CACNA2D1: variants seen among roughly 807,000 people sequenced by gnomAD.
CACNA2D1 encodes the protein calcium voltage-gated channel auxiliary subunit alpha2delta 1.
A neutral mutation model predicts 171.5 loss-of-function variants in CACNA2D1; 53 were observed. The observed-to-expected ratio is 0.31, with a 90% CI of 0.25 to 0.39. The LOEUF (loss-of-function observed/expected upper bound fraction) is 0.39, where lower values mean the gene tolerates loss of function less well. Ranked by LOEUF, CACNA2D1 falls within the 10% of genes least tolerant of loss-of-function variation. The probability of loss-of-function intolerance (pLI) is 1.00; values close to 1 mark genes in which losing one functional copy is unlikely to be tolerated. For missense variants in CACNA2D1, 903 were observed against 1,299.8 expected (o/e 0.69, Z 4.69); for synonymous variants, 442 against 443.1 (o/e 1.00, Z 0.03).
At position 82,000,996 on chromosome 7, in the gene CACNA2D1, G is replaced by C. The variant is rs1441303810; in HGVS notation, c.1591-3746C>G. ...CACAATCTTAAATAATGTTGAACAT[G>C]CTTTGAAATTCTGAAATTCTCTTGC... On this transcript the variant is annotated intron_variant, in intron 18 of 38. Coordinates refer to ENST00000356860, the MANE Select transcript of CACNA2D1 (RefSeq NM_000722.4). Among the ~76,000 whole-genome samples, 3 of 151,636 alleles carry C rather than the reference G, an allele frequency of 2.0e-5. No homozygotes were observed. The East Asian group carries it at 5.8e-4, about 29-fold the overall frequency.
In CACNA2D1 at chr7:82,052,496, A is replaced by C. The variant is rs114540366; in HGVS notation, c.879+7932T>G. Among the ~76,000 whole-genome samples the C allele has an allele frequency of 3.5e-3, 526 of 152,314 alleles. 5 individuals carry two copies. Among genetic ancestry groups the C allele is most frequent in the African/African-American group, 0.012 (503 of 41,574 alleles). On this transcript the variant is annotated intron_variant, in intron 10 of 38. Coordinates refer to ENST00000356860, the MANE Select transcript of CACNA2D1 (RefSeq NM_000722.4). Reference sequence around the variant, plus strand: ...ATGTTAAAGATAAAAATGTAATTTTACTTTTTTCTTACCAGAATGTTGCAT... The same window carrying C: ...ATGTTAAAGATAAAAATGTAATTTTCCTTTTTTCTTACCAGAATGTTGCAT...
intron 3 of CACNA2D1, among the ~76,000 whole-genome samples, chr7:82,203,311 C>A (rs138842835): frequency 6.6e-6 from 1 of 152,086 alleles, no homozygotes; most frequent in Admixed American, 6.5e-5. Flanking sequence ...CTTGATGGAC[C>A]GCTTGACAGT....
chr7:82,443,501 G>C lies in CACNA2D1; in HGVS notation c.-42C>G. On this transcript the variant is annotated 5_prime_UTR_variant, in exon 1 of 39. Transcript: ENST00000356860. Reference sequence around the variant, plus strand: ...CAATGCCCCCTCCCTGCCCAAGCGGGGGAAGGAGCGGCGCTGGAAACCGCG... The same window carrying C: ...CAATGCCCCCTCCCTGCCCAAGCGGCGGAAGGAGCGGCGCTGGAAACCGCG... 1 of 1,594,958 alleles carries C rather than the reference G, an allele frequency of 6.3e-7. No homozygotes were observed. Among genetic ancestry groups the C allele is most frequent in the Non-Finnish European group, 8.5e-7 (1 of 1,170,978 alleles).
chr7:82,058,913 T>C (rs1014556258), intron 10 of CACNA2D1, among the ~76,000 whole-genome samples: 5 of 152,134 alleles, frequency 3.3e-5, no homozygotes, highest in African/African-American at 1.2e-4. Flanking sequence ...CTTATAGGTA[T>C]CGTGTTTTCC....
At chr7:82,417,111 A>C (rs1451638698) in intron 1 of CACNA2D1, among the ~76,000 whole-genome samples, 1 of 152,188 alleles carries the variant, frequency 6.6e-6, no homozygotes, top group African/African-American at 2.4e-5. Flanking sequence ...GTTTCACTAC[A>C]TGTTACATAT....
Position 82,052,088 on chromosome 7 carries a change from T to A in CACNA2D1, c.879+8340A>T, listed in dbSNP as rs540004835. On this transcript the variant is annotated intron_variant, in intron 10 of 38. Coordinates refer to ENST00000356860, the MANE Select transcript of CACNA2D1 (RefSeq NM_000722.4). ...TAAAAATGAGAGGCTACTTGATTTT[T>A]CTGTTTGGTGGCTTCTGGGCAACTT... Among the ~76,000 whole-genome samples the A allele has an allele frequency of 8.1e-4, 124 of 152,192 alleles. 1 individual carries two copies. Among genetic ancestry groups the A allele is most frequent in the Non-Finnish European group, 1.5e-3 (104 of 68,030 alleles).
intron 12 of CACNA2D1, among the ~76,000 whole-genome samples, chr7:82,016,889 G>GTA (rs35976095): frequency 0.19 from 29,393 of 151,876 alleles, 3,252 homozygotes; most frequent in African/African-American, 0.3. Context: ...TGTCATCAAT[G>GTA]TATAATTTGT....
chr7:82,328,579 C>A (rs916318287), intron 3 of CACNA2D1, among the ~76,000 whole-genome samples: 3 of 152,122 alleles, frequency 2.0e-5, no homozygotes, highest in African/African-American at 7.2e-5. Flanking sequence ...TGCATGACCT[C>A]GATCTTCTCT....
At chr7:82,147,480 T>G (rs1793278941) in intron 4 of CACNA2D1, among the ~76,000 whole-genome samples, 1 of 152,160 alleles carries the variant, frequency 6.6e-6, no homozygotes, top group Non-Finnish European at 1.5e-5. Flanking sequence ...TGCTTTAATC[T>G]CCTTTAATCT....
chr7:82,362,793 G>A (rs1193119100), intron 1 of CACNA2D1, among the ~76,000 whole-genome samples: 1 of 152,136 alleles, frequency 6.6e-6, no homozygotes, highest in African/African-American at 2.4e-5. Context: ...AATACTTCCA[G>A]AAACTGCAGA....
chr7:82,129,267 G>A (rs1156951945), intron 5 of CACNA2D1, among the ~76,000 whole-genome samples: 4 of 152,148 alleles, frequency 2.6e-5, no homozygotes, highest in East Asian at 3.9e-4. Context: ...CTGAAACACT[G>A]CAGGCCTTCC....
intron 3 of CACNA2D1, among the ~76,000 whole-genome samples, chr7:82,183,647 C>T (rs933510086): frequency 2.0e-5 from 3 of 151,910 alleles, no homozygotes; most frequent in Non-Finnish European, 2.9e-5. Context: ...AAAAACATTG[C>T]AAAAAGAAGA....
chr7:82,291,546 GAT>G (rs1210070584), intron 3 of CACNA2D1, among the ~76,000 whole-genome samples: 6 of 124,072 alleles, frequency 4.8e-5, no homozygotes, highest in East Asian at 2.3e-4. Flanking sequence ...GTGATATATA[GAT>G]ATATATAAAT....
At position 82,111,307 on chromosome 7, in the gene CACNA2D1, TATATATAC is replaced by T. The variant is rs1411164372; in HGVS notation, c.526+5729_526+5736del. Among the ~76,000 whole-genome samples the T allele has an allele frequency of 4.0e-4, 41 of 103,598 alleles. 1 individual carries two copies. The South Asian group carries it at 0.013, about 32-fold the overall frequency. The allele number at this position is 103,598 out of a possible 152,430, so 68.0% of individuals were successfully genotyped here. On this transcript the variant is annotated intron_variant, in intron 6 of 38. Transcript: ENST00000356860. ...ATATGTCTGGGTATATATATATATA[TATATATAC>T]GTGTATATACGCATACACGTATATA...
At chr7:82,424,764 A>C in intron 1 of CACNA2D1, among the ~76,000 whole-genome samples, 1 of 152,234 alleles carries the variant, frequency 6.6e-6, no homozygotes, top group East Asian at 1.9e-4. Flanking sequence ...ACTGGAGTTT[A>C]CTTTCCTTAT....
At chr7:82,075,276 A>G (rs1056563414) in intron 7 of CACNA2D1, among the ~76,000 whole-genome samples, 36 of 152,280 alleles carry the variant, frequency 2.4e-4, no homozygotes, top group Non-Finnish European at 3.1e-4. Context: ...AAGATGCCAG[A>G]TAACACACTT....
At chr7:82,052,927 A>C (rs147003754) in intron 10 of CACNA2D1, among the ~76,000 whole-genome samples, 80 of 152,302 alleles carry the variant, frequency 5.3e-4, no homozygotes, top group African/African-American at 1.5e-3. Context: ...GACTAAACAA[A>C]TTACTATGAA....
chr7:82,266,581 A>G (rs1001922011), intron 3 of CACNA2D1, among the ~76,000 whole-genome samples: 1 of 150,514 alleles, frequency 6.6e-6, no homozygotes, highest in Non-Finnish European at 1.5e-5. Flanking sequence ...CAATGGTGTG[A>G]TCTCGGCTCA....
rs71093357 is a variant in CACNA2D1 at position 82,055,930 on chromosome 7, G to GTGTATATATATATATATATA, written c.879+4497_879+4498insTATATATATATATATATACA. Among the ~76,000 whole-genome samples, 29 of 111,458 alleles carry GTGTATATATATATATATATA rather than the reference G, an allele frequency of 2.6e-4. No individual in the cohort carries two copies. In the East Asian group the frequency reaches 3.3e-3, roughly 13 times the overall value. 73.1% of individuals were successfully genotyped at this position (111,458 alleles called of 152,430 possible). A position where few individuals can be genotyped will look rare whatever the true frequency, so the allele number is the denominator to read the frequency against. ...AAGTATAATAAATATGTGTGTGTGT[G>GTGTATATATATATATATATA]TATATATATATATATATAATTTTTT... is the stretch of plus-strand genomic sequence containing the variant. On this transcript the variant is annotated intron_variant, in intron 10 of 38. Coordinates refer to ENST00000356860, the MANE Select transcript of CACNA2D1 (RefSeq NM_000722.4).
Sources: allele counts gnomAD v4.1 joint callset (sites outside exome capture counted in the v4.1 genomes callset), GRCh38; gene constraint gnomAD v4.1.1; transcripts MANE v1.5; gene names NCBI Gene and HGNC (gene_info 2026-07-23, HGNC 2026-07-21).